Variants in CCDC178 observed in about 807,000 individuals in gnomAD.
CCDC178 encodes coiled-coil domain-containing protein 178.
Under a neutral mutation model 117.4 loss-of-function variants are expected in CCDC178, and 126 were observed. The ratio of observed to expected loss-of-function variants is 1.07; its 90% CI spans 0.93 to 1.24. The LOEUF (loss-of-function observed/expected upper bound fraction) is 1.24. Among genes scored for constraint, CCDC178 ranks in the 50% most tolerant of loss-of-function variants. The pLI, the probability that CCDC178 is intolerant of heterozygous loss-of-function variation, is 0.00. For synonymous variants in CCDC178, 283 were observed against 313.4 expected (o/e 0.90, Z 1.02); for missense variants, 1,030 against 986.9 (o/e 1.04, Z -0.59).
chr18:33,040,237 A>G (rs1049935815), intron 21 of CCDC178, among the ~76,000 whole-genome samples: 1 of 152,008 alleles, frequency 6.6e-6, no homozygotes, highest in Non-Finnish European at 1.5e-5. Flanking sequence ...CAGAAATAAA[A>G]TACCAACTTA....
intron 21 of CCDC178, among the ~76,000 whole-genome samples, chr18:32,996,302 C>T (rs141425976): frequency 1.3e-5 from 2 of 151,876 alleles, no homozygotes; most frequent in East Asian, 1.9e-4. Flanking sequence ...TCTCAACAAA[C>T]CTGATTTTGG....
At chr18:32,978,499 G>A (rs528050192) in intron 21 of CCDC178, among the ~76,000 whole-genome samples, 22 of 152,140 alleles carry the variant, frequency 1.4e-4, no homozygotes, top group Non-Finnish European at 1.6e-4. Context: ...TAAGATGTCA[G>A]CAGTGATCAC....
chr18:33,428,730 C>CAAAAAAAAAAAAAAAAAA (rs35234261), intron 2 of CCDC178, among the ~76,000 whole-genome samples: 1 of 42,374 alleles, frequency 2.4e-5, no homozygotes, highest in Non-Finnish European at 4.4e-5. Flanking sequence ...GACTCTGTCT[C>CAAAAAAAAAAAAAAAAAA]AAAAAAAAAA....
intron 20 of CCDC178, among the ~76,000 whole-genome samples, chr18:33,201,768 G>T (rs925311823): frequency 2.6e-5 from 4 of 152,132 alleles, no homozygotes; most frequent in African/African-American, 9.7e-5. Flanking sequence ...TAAGGAACAA[G>T]TTTCTTTTTT....
At chr18:33,187,652 A>C (rs2058812995) in intron 20 of CCDC178, among the ~76,000 whole-genome samples, 1 of 152,142 alleles carries the variant, frequency 6.6e-6, no homozygotes, top group African/African-American at 2.4e-5. Context: ...AAATTAGCCT[A>C]AAGATATTGG....
intron 2 of CCDC178, among the ~76,000 whole-genome samples, chr18:33,413,872 G>A (rs775662409): frequency 1.8e-4 from 27 of 152,232 alleles, no homozygotes; most frequent in Non-Finnish European, 2.9e-4. Flanking sequence ...TCAAGAAACA[G>A]AATGAAACAG....
At chr18:33,143,504 G>A (rs1424031911) in intron 20 of CCDC178, among the ~76,000 whole-genome samples, 1 of 152,096 alleles carries the variant, frequency 6.6e-6, no homozygotes, top group African/African-American at 2.4e-5. Context: ...GACTAAATAA[G>A]TGTTATACAA....
intron 22 of CCDC178, among the ~76,000 whole-genome samples, chr18:32,972,031 C>G (rs1226996601): frequency 6.6e-6 from 1 of 151,952 alleles, no homozygotes; most frequent in Non-Finnish European, 1.5e-5. Context: ...TAATTAGATC[C>G]CATTTGCCAA....
intron 12 of CCDC178, among the ~76,000 whole-genome samples, chr18:33,268,681 G>A (rs1181568273): frequency 3.3e-5 from 5 of 151,348 alleles, no homozygotes; most frequent in South Asian, 2.1e-4. Flanking sequence ...TAAATAAGAC[G>A]ACCATGAAAA....
intron 21 of CCDC178, among the ~76,000 whole-genome samples, chr18:32,990,418 T>C (rs73415423): frequency 0.14 from 20,932 of 151,984 alleles, 1,960 homozygotes; most frequent in African/African-American, 0.27. Context: ...TAGTAATCAA[T>C]AGAACAAAGT....
chr18:33,404,019 C>T (rs928715458), intron 3 of CCDC178, among the ~76,000 whole-genome samples: 1 of 152,156 alleles, frequency 6.6e-6, no homozygotes, highest in Non-Finnish European at 1.5e-5. Flanking sequence ...ACCACTACCC[C>T]TCAAGGGAAA....
intron 9 of CCDC178, among the ~76,000 whole-genome samples, chr18:33,335,401 ATTAGACAGT>A (rs2062726144): frequency 6.6e-6 from 1 of 152,022 alleles, no homozygotes; most frequent in Non-Finnish European, 1.5e-5. Flanking sequence ...ACCCTCACCA[ATTAGACAGT>A]TAGATTTTTG....
intron 15 of CCDC178, among the ~76,000 whole-genome samples, chr18:33,227,179 ATAT>A (rs1405717965): frequency 2.0e-5 from 3 of 151,992 alleles, no homozygotes; most frequent in Non-Finnish European, 4.4e-5. Context: ...TTTGTTTTTA[ATAT>A]TACTTTCTGG....
At chr18:33,410,275 A>T (rs974966605) in intron 3 of CCDC178, among the ~76,000 whole-genome samples, 4 of 152,182 alleles carry the variant, frequency 2.6e-5, no homozygotes, top group South Asian at 2.1e-4. Flanking sequence ...TTTAAATATG[A>T]GTTACACACC....
At chr18:33,439,869 G>T (rs878959183) in intron 2 of CCDC178, 93 bp downstream of exon 2, 1 of 152,182 alleles carries the variant, frequency 6.6e-6, no homozygotes, top group Non-Finnish European at 1.5e-5. Flanking sequence ...CTTTGAATTG[G>T]CAATCGGGAG....
intron 3 of CCDC178, among the ~76,000 whole-genome samples, chr18:33,407,357 T>C (rs1254580692): frequency 6.6e-6 from 1 of 152,044 alleles, no homozygotes; most frequent in Admixed American, 6.6e-5. Context: ...AAATTAGCGA[T>C]CTAAGCAACC....
intron 14 of CCDC178, among the ~76,000 whole-genome samples, chr18:33,246,945 A>G (rs2059556450): frequency 6.6e-6 from 1 of 151,934 alleles, no homozygotes; most frequent in African/African-American, 2.4e-5. Context: ...GGAAGAATTT[A>G]AAGATTGGTT....
At chr18:32,988,292 C>T (rs927958249) in intron 21 of CCDC178, among the ~76,000 whole-genome samples, 28 of 150,998 alleles carry the variant, frequency 1.9e-4, no homozygotes, top group Admixed American at 4.6e-4. Flanking sequence ...AAAAATTATT[C>T]GGGCGTGGTC....
In CCDC178 at chr18:33,215,688, C is replaced by T. The variant is rs776180170; in HGVS notation, c.1940G>A (p.Arg647His). 52 of 1,514,804 alleles carry T rather than the reference C, an allele frequency of 3.4e-5. 1 individual carries two copies. In the South Asian group the frequency reaches 5.5e-4, roughly 16 times the overall value. 93.8% of individuals were successfully genotyped at this position (1,514,804 alleles called of 1,614,324 possible). The stretch of plus-strand genomic sequence containing the variant: ...TTCTAGGTCTTTAAAAATTGCTGAG[C>T]GTTTACTCTGAAAAAAAATATACAC... The part of the protein sequence containing the change: ...LDALIETESK[R>H]SAIFKDLEAT... The change falls in exon 19 of 23, where the codon CGC becomes CAC. Residue 647 changes from arginine (R) to histidine (H), a missense_variant. Arg to His is a conservative substitution (Grantham distance 29, BLOSUM62 0). Coordinates refer to ENST00000383096, the MANE Select transcript of CCDC178 (RefSeq NM_001105528.4).
Sources: allele counts gnomAD v4.1 joint callset (sites outside exome capture counted in the v4.1 genomes callset), GRCh38; gene constraint gnomAD v4.1.1; transcripts MANE v1.5; gene names NCBI Gene and HGNC (gene_info 2026-07-23, HGNC 2026-07-21).